JPH1: variants seen among roughly 807,000 people sequenced by gnomAD.
JPH1 encodes junctophilin-1.
In JPH1, 12 loss-of-function variants were observed where a neutral mutation model predicts 53.6. The observed-to-expected ratio is 0.22, with a 90% confidence interval of 0.14 to 0.36. The LOEUF (loss-of-function observed/expected upper bound fraction) is 0.36. JPH1 is among the 10% of genes least tolerant of loss of function. The probability of loss-of-function intolerance (pLI) is 1.00; values close to 1 mark genes in which losing one functional copy is unlikely to be tolerated. For missense variants in JPH1, 808 were observed against 905.5 expected, an observed-to-expected ratio of 0.89 and a Z score of 1.38; for synonymous variants, 375 against 363.8, an observed-to-expected ratio of 1.03 and a Z score of -0.35.
chr8:74,295,310 T>C (rs1807472918), intron 2 of JPH1, among the ~76,000 whole-genome samples: 1 of 152,196 alleles, frequency 6.6e-6, no homozygotes, highest in African/African-American at 2.4e-5. Context: ...TGTGTGTATA[T>C]AGTTCTATAT....
intron 2 of JPH1, among the ~76,000 whole-genome samples, chr8:74,304,105 A>G (rs1807765023): frequency 6.6e-6 from 1 of 152,204 alleles, no homozygotes; most frequent in Non-Finnish European, 1.5e-5. Context: ...CTCCAGCCCC[A>G]GGCTATGATC....
Position 74,307,793 on chromosome 8 carries a change from C to T in JPH1, c.1139+7068G>A, listed in dbSNP as rs530735528. 1.1e-4 allele frequency among the ~76,000 whole-genome samples: 17 copies of T among 152,304 alleles called. No homozygotes were observed. In the South Asian group the frequency reaches 3.5e-3, roughly 32 times the overall value. On this transcript the variant is annotated intron_variant, in intron 2 of 5. Transcript: ENST00000342232. ...CATTACAGTACAGACATAACGATAG[C>T]TTATAAACAGCTTTGACTTGCAAAA...
intron 2 of JPH1, among the ~76,000 whole-genome samples, chr8:74,313,575 A>C (rs1263343786): frequency 6.6e-6 from 1 of 151,754 alleles, no homozygotes; most frequent in African/African-American, 2.4e-5. Context: ...AGAACTCTAG[A>C]AGTACTAAGT....
At chr8:74,270,288 C>A (rs150717022) in intron 2 of JPH1, among the ~76,000 whole-genome samples, 1 of 152,186 alleles carries the variant, frequency 6.6e-6, no homozygotes, top group Non-Finnish European at 1.5e-5. Context: ...TAGTAATTAA[C>A]GCCTCCAAGT....
chr8:74,270,476 G>T (rs1806666671), intron 2 of JPH1, among the ~76,000 whole-genome samples: 1 of 152,072 alleles, frequency 6.6e-6, no homozygotes, highest in African/African-American at 2.4e-5. Flanking sequence ...GCTTATCTGA[G>T]GACACTGAGA....
intron 4 of JPH1, among the ~76,000 whole-genome samples, chr8:74,243,320 TG>T (rs765423405): frequency 3.3e-4 from 51 of 152,262 alleles, no homozygotes; most frequent in Non-Finnish European, 6.5e-4. Flanking sequence ...AAAGTTAGTC[TG>T]TTTTGAAAAC....
intron 2 of JPH1, among the ~76,000 whole-genome samples, chr8:74,311,672 C>CT (rs1563422615): frequency 8.7e-6 from 1 of 114,500 alleles, no homozygotes; most frequent in East Asian, 3.3e-4. Context: ...TCCCTCCCCT[C>CT]CCCCCACCCC....
chr8:74,305,378 A>T (rs1310589898), intron 2 of JPH1, among the ~76,000 whole-genome samples: 1 of 152,248 alleles, frequency 6.6e-6, no homozygotes, highest in Non-Finnish European at 1.5e-5. Context: ...CAAAGCTGAA[A>T]CTCATACAAA....
chr8:74,237,325 G>T (rs1443330893), intron 4 of JPH1, 22 bp from the exon 5 acceptor site: 1 of 1,568,732 alleles, frequency 6.4e-7, no homozygotes, highest in Admixed American at 1.7e-5. Context: ...AGAGAACAAA[G>T]TAACTATAAC....
At position 74,321,232 on chromosome 8, in the gene JPH1, T is replaced by C; in HGVS notation, c.56A>G (p.Glu19Gly). ...GCCATGCCCGTGCGCCTTGCCCTCCTCCCAGCCGCCGCAGTAGGTGCCGCC... is the reference window on the plus strand; with the variant it reads ...GCCATGCCCGTGCGCCTTGCCCTCCCCCCAGCCGCCGCAGTAGGTGCCGCC... The part of the protein sequence containing the change: ...DDGGTYCGGW[E>G]EGKAHGHGIC... The change falls in exon 1 of 6, where the codon GAG becomes GGG. Residue 19 changes from glutamate (E) to glycine (G), a missense_variant. By Grantham distance (98) the Glu-to-Gly change is moderately conservative. Around this residue, in one of 2 missense-constraint regions of JPH1, gnomAD observed 52 missense variants for 93.6 expected, o/e 0.56. Transcript: ENST00000342232. This position sits in a 1 kb window ranked among gnomAD's most constrained non-coding sequence, Gnocchi z 4.3. 2 of 1,606,626 alleles carry C rather than the reference T, an allele frequency of 1.2e-6. No individual in the cohort carries two copies.
intron 2 of JPH1, among the ~76,000 whole-genome samples, chr8:74,297,238 C>T (rs138832969): frequency 1.2e-4 from 18 of 152,314 alleles, no homozygotes; most frequent in Admixed American, 2.0e-4. Flanking sequence ...CAGACTCCGA[C>T]GGGCAAGGAG....
intron 2 of JPH1, among the ~76,000 whole-genome samples, chr8:74,311,748 T>C (rs949866940): frequency 2.8e-5 from 4 of 141,656 alleles, no homozygotes; most frequent in African/African-American, 5.3e-5. Context: ...TCAATTCCCA[T>C]CTATTAGTGA....
At chr8:74,250,158 G>A (rs1407615456) in intron 3 of JPH1, among the ~76,000 whole-genome samples, 3 of 147,590 alleles carry the variant, frequency 2.0e-5, no homozygotes, top group Non-Finnish European at 4.5e-5. Flanking sequence ...TTTTTGAGAC[G>A]GAGTCTTGCT....
intron 2 of JPH1, among the ~76,000 whole-genome samples, chr8:74,304,039 G>A (rs2131450387): frequency 6.6e-6 from 1 of 152,206 alleles, no homozygotes; most frequent in East Asian, 1.9e-4. Context: ...CTATCTTCTG[G>A]AAAACACCCA....
intron 2 of JPH1, among the ~76,000 whole-genome samples, chr8:74,267,885 C>A (rs938568534): frequency 1.3e-5 from 2 of 151,804 alleles, no homozygotes; most frequent in Non-Finnish European, 2.9e-5. Flanking sequence ...GCTGGATGAG[C>A]GAAAGAAAGG....
chr8:74,261,136 G>C (rs1312438290), intron 2 of JPH1, among the ~76,000 whole-genome samples: 1 of 152,112 alleles, frequency 6.6e-6, no homozygotes, highest in Non-Finnish European at 1.5e-5. Context: ...GCATATCTGG[G>C]GGAGTTTAAT....
At chr8:74,313,299 A>G (rs1368776824) in intron 2 of JPH1, among the ~76,000 whole-genome samples, 1 of 152,212 alleles carries the variant, frequency 6.6e-6, no homozygotes, top group Non-Finnish European at 1.5e-5. Context: ...ATCTATAAGC[A>G]AACTGAAAAG....
intron 2 of JPH1, among the ~76,000 whole-genome samples, chr8:74,289,642 C>A (rs577915941): frequency 3.9e-5 from 6 of 152,322 alleles, no homozygotes; most frequent in African/African-American, 9.6e-5. Context: ...TTCCCCATGA[C>A]CTTTCCTGAT....
chr8:74,283,662 C>CA (rs1183143240), intron 2 of JPH1, among the ~76,000 whole-genome samples: 1 of 152,198 alleles, frequency 6.6e-6, no homozygotes, highest in Non-Finnish European at 1.5e-5. Context: ...CTTATAGTGG[C>CA]ATAATATACA....
Sources: gnomAD v4.1 joint callset for allele counts (sites outside exome capture counted in the v4.1 genomes callset) on GRCh38, gnomAD v4.1.1 for gene constraint, gnomAD v4.1.1 regional missense constraint, Gnocchi (gnomAD v3.1) non-coding constraint, MANE v1.5 for transcripts, NCBI Gene and HGNC (gene_info 2026-07-23, HGNC 2026-07-21) for gene names.